ARID5B: variants seen among roughly 807,000 people sequenced by gnomAD.
The protein encoded by ARID5B is AT-rich interactive domain-containing protein 5B.
In ARID5B, 13 loss-of-function variants were observed where a neutral mutation model predicts 97.2. The ratio of observed to expected loss-of-function variants is 0.13; its 90% CI spans 0.09 to 0.21. ARID5B has a LOEUF of 0.21. Ranked by LOEUF, ARID5B falls within the 10% of genes least tolerant of loss-of-function variation. ARID5B has a pLI of 1.00. For missense variants in ARID5B, 1,210 were observed against 1,465.3 expected, an observed-to-expected ratio of 0.83 and a Z score of 2.84; for synonymous variants, 556 against 570.3, an observed-to-expected ratio of 0.97 and a Z score of 0.36.
intron 3 of ARID5B, among the ~76,000 whole-genome samples, chr10:61,970,355 C>T (rs575470938): frequency 2.6e-5 from 4 of 152,258 alleles, no homozygotes; most frequent in African/African-American, 9.6e-5. Context: ...TGGAGGAACA[C>T]GAAGGTGAAT....
At chr10:62,045,560 C>T (rs1839696898) in intron 4 of ARID5B, among the ~76,000 whole-genome samples, 1 of 151,822 alleles carries the variant, frequency 6.6e-6, no homozygotes, top group Non-Finnish European at 1.5e-5. Context: ...AAGAGATTCT[C>T]CTGCCTCAGC....
chr10:61,964,462 T>A (rs1473648054), intron 3 of ARID5B, among the ~76,000 whole-genome samples: 3 of 152,196 alleles, frequency 2.0e-5, no homozygotes, highest in African/African-American at 7.2e-5. Flanking sequence ...CACCCTATAA[T>A]GCTTAACTGA....
rs543907611 is a variant in ARID5B at position 61,902,964 on chromosome 10, A to T, written c.276+551A>T. 3.3e-5 allele frequency among the ~76,000 whole-genome samples: 5 copies of T among 152,272 alleles called. No individual in the cohort carries two copies. In the South Asian group the frequency reaches 1.0e-3, roughly 32 times the overall value. On this transcript the variant is annotated intron_variant, in intron 2 of 9. Transcript: ENST00000279873. ...GACGTGTTGAATAAAGTGATAAATG[A>T]CAGGTACTGGAATAATACATTCAAA... is the stretch of plus-strand genomic sequence containing the variant.
chr10:61,948,380 ATTTTT>A (rs71470784), intron 3 of ARID5B, among the ~76,000 whole-genome samples: 3 of 86,198 alleles, frequency 3.5e-5, no homozygotes, highest in Admixed American at 1.3e-4. Context: ...ACTTTAGGTA[ATTTTT>A]TTTTTTTTTT....
intron 3 of ARID5B, among the ~76,000 whole-genome samples, chr10:61,990,333 T>C (rs1564621538): frequency 6.6e-6 from 1 of 152,204 alleles, no homozygotes; most frequent in African/African-American, 2.4e-5. Flanking sequence ...TTTTATTTTT[T>C]AAAGTCACTA....
At position 62,057,282 on chromosome 10, in the gene ARID5B, C is replaced by T; in HGVS notation, c.1012C>T (p.Pro338Ser). 6.2e-7 allele frequency: 1 copy of T among 1,613,640 alleles called. No individual in the cohort carries two copies. The highest frequency in any genetic ancestry group is 8.5e-7 in the Non-Finnish European group (1 of 1,179,720). Residue 338 changes from proline (P) to serine (S), a missense_variant, in exon 6 of 10, where the codon CCG becomes TCG. Pro to Ser is a moderately conservative substitution (Grantham distance 74). Around this residue, in one of 8 missense-constraint regions of ARID5B, gnomAD observed 59 missense variants for 156.7 expected, o/e 0.38. Transcript: ENST00000279873. ...LYKYMKERKT[P>S]IERIPYLGFK... ...TAAATACATGAAAGAAAGGAAAACG[C>T]CGATAGAACGAATACCCTATTTAGG... is the stretch of plus-strand genomic sequence containing the variant.
chr10:61,999,061 C>T (rs1470623507), intron 3 of ARID5B, among the ~76,000 whole-genome samples: 1 of 152,180 alleles, frequency 6.6e-6, no homozygotes, highest in Non-Finnish European at 1.5e-5. Context: ...CTTAAAGCAA[C>T]CATCCACTTC....
Position 62,096,911 on chromosome 10 carries a change from G to C in ARID5B, c.*3881G>C, listed in dbSNP as rs1840478729. ...GATATTTTGTACTTTTTGATCCACT[G>C]TAATATTTAATAAAAAATGTTACTA... On this transcript the variant is annotated 3_prime_UTR_variant, in exon 10 of 10. Transcript: ENST00000279873. 4.3e-6 allele frequency: 1 copy of C among 232,848 alleles called. No homozygotes were observed. Among genetic ancestry groups the C allele is most frequent in the Non-Finnish European group, 8.5e-6 (1 of 117,636 alleles). 14.4% of individuals were successfully genotyped at this position (232,848 alleles called of 1,614,324 possible).
intron 3 of ARID5B, among the ~76,000 whole-genome samples, chr10:61,983,867 CTTTTTTTTTTTTTT>C (rs1164342402): frequency 1.4e-4 from 4 of 27,590 alleles, no homozygotes; most frequent in African/African-American, 6.3e-4. Context: ...CCCTTTTGTT[CTTTTTTTTTTTTTT>C]TTTTTTTTTT....
chr10:61,919,481 T>TG (rs1182018433), intron 2 of ARID5B, among the ~76,000 whole-genome samples: 5 of 152,090 alleles, frequency 3.3e-5, no homozygotes, highest in Non-Finnish European at 7.4e-5. Context: ...CCAAAATGGC[T>TG]GGGGGGAATC....
intron 4 of ARID5B, among the ~76,000 whole-genome samples, chr10:62,036,662 C>T (rs942148805): frequency 6.6e-6 from 1 of 152,202 alleles, no homozygotes; most frequent in Non-Finnish European, 1.5e-5. Context: ...AAGTGTGTTT[C>T]AGTAACATGG....
At chr10:62,027,155 T>C (rs943136606) in intron 4 of ARID5B, among the ~76,000 whole-genome samples, 2 of 151,998 alleles carry the variant, frequency 1.3e-5, no homozygotes, top group African/African-American at 4.8e-5. Context: ...CCATCTCTCC[T>C]AGTCCTTCCT....
chr10:62,007,009 T>A (rs1268812981), intron 4 of ARID5B, among the ~76,000 whole-genome samples: 1 of 152,222 alleles, frequency 6.6e-6, no homozygotes, highest in African/African-American at 2.4e-5. Flanking sequence ...GAGAAAGTTA[T>A]ATCCCATTAC....
At position 61,975,316 on chromosome 10, in the gene ARID5B, G is replaced by A. The variant is rs7478264; in HGVS notation, c.503-24775G>A. Among the ~76,000 whole-genome samples the A allele has an allele frequency of 1.2e-3, 186 of 152,216 alleles. 2 individuals are homozygous for A. The highest frequency in any genetic ancestry group is 4.1e-3 in the African/African-American group (171 of 41,526). ...AAAATTATTATTAAGGAGGACAATC[G>A]ATTAGTTGGCCTTCCAACACACTGG... On this transcript the variant is annotated intron_variant, in intron 3 of 9. Coordinates refer to ENST00000279873, the MANE Select transcript of ARID5B (RefSeq NM_032199.3).
chr10:61,987,883 G>A (rs983451664), intron 3 of ARID5B, among the ~76,000 whole-genome samples: 9 of 152,150 alleles, frequency 5.9e-5, no homozygotes, highest in African/African-American at 9.7e-5. Context: ...TAGTAGTCAC[G>A]AGCAATTTGT....
chr10:62,092,609 A>T lies in ARID5B; in HGVS notation c.3146A>T (p.Gln1049Leu). The T allele has an allele frequency of 6.2e-7, 1 of 1,614,210 alleles. No homozygotes were observed. The highest frequency in any genetic ancestry group is 8.5e-7 in the Non-Finnish European group (1 of 1,180,022). Residue 1049 changes from glutamine (Q) to leucine (L), a missense_variant, in exon 10 of 10, where the codon CAG becomes CTG. Gln to Leu is a moderately radical substitution (Grantham distance 113). This residue lies in a region of ARID5B where 800 missense variants were observed against 839.1 expected (regional missense o/e 0.95). Coordinates refer to ENST00000279873, the MANE Select transcript of ARID5B (RefSeq NM_032199.3). Reference protein sequence around the residue: ...EVSGKEKASEQESEGSKAAHG... With the variant: ...EVSGKEKASELESEGSKAAHG... ...TCTGGGAAGGAGAAGGCCTCTGAGC[A>T]GGAGAGTGAAGGCAGCAAAGCAGCG...
In ARID5B at chr10:62,096,583, T is replaced by C. The variant is rs150088734; in HGVS notation, c.*3553T>C. ...TCTGAAGAATAGCAGCATAATCTCTTGGCTGTTTATACTTTTTTAAACTTT... is the reference window on the plus strand; with the variant it reads ...TCTGAAGAATAGCAGCATAATCTCTCGGCTGTTTATACTTTTTTAAACTTT... On this transcript the variant is annotated 3_prime_UTR_variant, in exon 10 of 10. Coordinates refer to ENST00000279873, the MANE Select transcript of ARID5B (RefSeq NM_032199.3). The C allele has an allele frequency of 1.4e-4, 33 of 233,562 alleles. No homozygotes were observed. Among genetic ancestry groups the C allele is most frequent in the African/African-American group, 7.3e-4 (33 of 45,492 alleles). 14.5% of individuals were successfully genotyped at this position (233,562 alleles called of 1,614,324 possible).
At chr10:61,992,649 G>T (rs1413276251) in intron 3 of ARID5B, among the ~76,000 whole-genome samples, 1 of 152,066 alleles carries the variant, frequency 6.6e-6, no homozygotes, top group African/African-American at 2.4e-5. Flanking sequence ...CCTATCCTGG[G>T]AAGATCTGTG....
chr10:61,978,203 G>T (rs371112086), intron 3 of ARID5B, among the ~76,000 whole-genome samples: 252 of 152,094 alleles, frequency 1.7e-3, no homozygotes, highest in South Asian at 2.5e-3. Context: ...GGCTCTGTTC[G>T]GTTCCATTGG....
Sources: allele counts gnomAD v4.1 joint callset (sites outside exome capture counted in the v4.1 genomes callset), GRCh38; gene constraint gnomAD v4.1.1; regional missense constraint gnomAD v4.1.1; transcripts MANE v1.5; gene names NCBI Gene and HGNC (gene_info 2026-07-23, HGNC 2026-07-21).